Variants in MAST3 observed in about 807,000 individuals in gnomAD.
The protein encoded by MAST3 is microtubule associated serine/threonine kinase 3, also known as microtubule-associated serine/threonine-protein kinase 3.
MAST3 carries 43 observed loss-of-function variants against 127.0 expected under a neutral mutation model. That is an observed-to-expected ratio of 0.34 (90% CI 0.27 to 0.44). The LOEUF is 0.44. MAST3 is among the 20% of genes least tolerant of loss of function. The pLI is 1.00. For synonymous variants in MAST3, 785 were observed against 809.2 expected, an observed-to-expected ratio of 0.97 and a Z score of 0.51; for missense variants, 1,390 against 1,919.1, an observed-to-expected ratio of 0.72 and a Z score of 5.15.
intron 17 of MAST3, among the ~76,000 whole-genome samples, chr19:18,135,451 C>T (rs1473274202): frequency 6.6e-6 from 1 of 151,916 alleles, no homozygotes; most frequent in Admixed American, 6.6e-5. Context: ...GGTGACAGAG[C>T]GAGACTCCAT....
chr19:18,100,128 C>CTCCTTTTTTTTTTTTTTTTTTTT (rs776661078), intron 1 of MAST3, among the ~76,000 whole-genome samples: 62 of 121,714 alleles, frequency 5.1e-4, no homozygotes, highest in Admixed American at 7.6e-4. Context: ...CTCTCTCTCT[C>CTCCTTTTTTTTTTTTTTTTTTTT]TTTTTTTTTT....
chr19:18,133,673 C>G (rs1467197838), intron 15 of MAST3, among the ~76,000 whole-genome samples: 1 of 151,142 alleles, frequency 6.6e-6, no homozygotes, highest in Non-Finnish European at 1.5e-5. Context: ...CCTGCCTCAG[C>G]CTTCCAATTA....
chr19:18,140,330 G>A (rs1464019976), intron 20 of MAST3, among the ~76,000 whole-genome samples: 133 of 152,160 alleles, frequency 8.7e-4, no homozygotes, highest in African/African-American at 3.2e-3. Context: ...AGTAAGCTGA[G>A]ATCACAGCGC....
Position 18,128,445 on chromosome 19 carries a change from C to A in MAST3, c.1124C>A (p.Pro375His). Reference sequence around the variant, plus strand: ...CTCGAAGAAGAACAGCCCCCAGCACCTGAGTCCCCAGAGGTGAGTAGCAGA... The same window carrying A: ...CTCGAAGAAGAACAGCCCCCAGCACATGAGTCCCCAGAGGTGAGTAGCAGA... ...SHLEEEQPPA[P>H]ESPESRALVG... The change falls in exon 12 of 28, where the codon CCT (proline) becomes CAT (histidine). Residue 375 changes from proline to histidine, a missense_variant. Around this residue, in one of 5 missense-constraint regions of MAST3, gnomAD observed 277 missense variants for 384.8 expected, o/e 0.72. Transcript: ENST00000687212. The A allele has an allele frequency of 6.4e-7, 1 of 1,556,514 alleles. No homozygotes were observed.
chr19:18,108,567 T>C (rs1403185110), intron 2 of MAST3, among the ~76,000 whole-genome samples: 1 of 152,062 alleles, frequency 6.6e-6, no homozygotes, highest in Non-Finnish European at 1.5e-5. Context: ...AGGGTCTCAC[T>C]ATGTTGCCCA....
intron 1 of MAST3, among the ~76,000 whole-genome samples, chr19:18,101,811 C>A (rs1455176057): frequency 2.6e-5 from 4 of 151,430 alleles, no homozygotes; most frequent in Admixed American, 6.6e-5. Flanking sequence ...CCACCACACC[C>A]GACTAATATA....
chr19:18,118,123 C>A (rs2039511872), intron 3 of MAST3: 1 of 985,282 alleles, frequency 1.0e-6, no homozygotes, highest in Non-Finnish European at 1.2e-6. Context: ...CGAGGCCTCC[C>A]TTCCCGGCCT....
At chr19:18,113,163 G>C (rs541985350) in intron 3 of MAST3, among the ~76,000 whole-genome samples, 20 of 152,208 alleles carry the variant, frequency 1.3e-4, no homozygotes, top group East Asian at 9.7e-4. Flanking sequence ...ACTCACCACC[G>C]GGGGGCAGCA....
chr19:18,105,347 T>C (rs1385619806), intron 1 of MAST3, among the ~76,000 whole-genome samples: 1 of 149,406 alleles, frequency 6.7e-6, no homozygotes, highest in Non-Finnish European at 1.5e-5. Context: ...AGCCTGGCGA[T>C]ACAGTGAGAC....
Position 18,123,562 on chromosome 19 carries a change from C to G in MAST3, c.558-18C>G, listed in dbSNP as rs764943447. 3 of 1,541,682 alleles carry G rather than the reference C, an allele frequency of 1.9e-6. No homozygotes were observed. Among genetic ancestry groups the G allele is most frequent in the African/African-American group, 2.7e-5 (2 of 73,122 alleles). ...TGGTCTCAGGTCCCATATCACAAGC[C>G]AGCTGTCTTCCTTTCAGCCCGGGCC... On this transcript the variant is annotated intron_variant, in intron 7 of 27. Coordinates refer to ENST00000687212, the MANE Select transcript of MAST3 (RefSeq NM_001393504.1).
chr19:18,118,495 AGGAGT>A (rs759334700), intron 3 of MAST3, among the ~76,000 whole-genome samples: 1 of 152,164 alleles, frequency 6.6e-6, no homozygotes, highest in Non-Finnish European at 1.5e-5. Flanking sequence ...GGTGACAGAC[AGGAGT>A]GAGTTGAGAT....
chr19:18,118,398 G>T (rs56252442), intron 3 of MAST3: 67,495 of 307,656 alleles, frequency 0.22, 7,860 homozygotes, highest in Non-Finnish European at 0.23. Context: ...CCTGTGGATC[G>T]AGGTGTCCCC....
chr19:18,128,251 T>G, intron 11 of MAST3, 149 bp from the exon 12 acceptor site: 2 of 589,578 alleles, frequency 3.4e-6, no homozygotes, highest in Non-Finnish European at 3.0e-6. Context: ...GCCTCCCGGA[T>G]GTGGCTTCAT....
At chr19:18,128,073 C>T (rs918261984) in intron 11 of MAST3, among the ~76,000 whole-genome samples, 5 of 152,168 alleles carry the variant, frequency 3.3e-5, no homozygotes, top group Admixed American at 2.0e-4. Context: ...ACCTGGGCTG[C>T]ACCCTGAGCT....
Position 18,149,045 on chromosome 19 carries a change from C to G in MAST3, c.3509-146C>G. 3.7e-6 allele frequency: 3 copies of G among 804,062 alleles called. No individual in the cohort carries two copies. The highest frequency in any genetic ancestry group is 2.3e-5 in the South Asian group (1 of 43,826). The allele number at this position is 804,062 out of a possible 1,614,324, so 49.8% of individuals were successfully genotyped here. ...TACAGTCTGGGCAACAGAGCAAGAC[C>G]CTGTCTCAAAAACAAAAACAACCAG... On this transcript the variant is annotated intron_variant, in intron 27 of 27. Coordinates refer to ENST00000687212, the MANE Select transcript of MAST3 (RefSeq NM_001393504.1). This position sits in a 1 kb window ranked among gnomAD's most constrained non-coding sequence, Gnocchi z 5.9.
intron 3 of MAST3, among the ~76,000 whole-genome samples, chr19:18,115,468 A>G (rs1247302366): frequency 6.6e-6 from 1 of 151,984 alleles, no homozygotes; most frequent in Non-Finnish European, 1.5e-5. Flanking sequence ...GCACGTAGTG[A>G]CAGCAAGTGG....
chr19:18,130,454 T>C, intron 13 of MAST3, 40 bp from the exon 14 acceptor site: 1 of 1,541,102 alleles, frequency 6.5e-7, no homozygotes, highest in Non-Finnish European at 8.8e-7. Context: ...TGCTGGGGCC[T>C]CGATCTCCGG....
At position 18,149,568 on chromosome 19, in the gene MAST3, G is replaced by A. The variant is rs1247190697; in HGVS notation, c.3886G>A (p.Glu1296Lys). ...LVVMRRLHLS[E>K]RRDSFKKQEA... The stretch of plus-strand genomic sequence containing the variant: ...GGTCATGCGGCGGCTGCACCTGTCC[G>A]AGCGCCGAGACTCCTTCAAGAAGCA... The change falls in exon 28 of 28, where the codon GAG becomes AAG. Residue 1296 changes from glutamate (E) to lysine (K), a missense_variant. Physicochemically the swap from Glu to Lys is moderately conservative, Grantham distance 56. Around this residue, in one of 5 missense-constraint regions of MAST3, gnomAD observed 816 missense variants for 934.1 expected, o/e 0.87. Transcript: ENST00000687212. The surrounding 1 kb of genome is among the most constrained non-coding windows in gnomAD (Gnocchi z 5.9). The A allele has an allele frequency of 1.9e-6, 3 of 1,594,490 alleles. No individual in the cohort carries two copies. Among genetic ancestry groups the A allele is most frequent in the Admixed American group, 1.8e-5 (1 of 56,290 alleles).
chr19:18,149,653 C>T lies in MAST3; in HGVS notation c.3971C>T (p.Thr1324Ile), dbSNP rs201564382. ...CAGGAGGAGGCCACTGGGCTGCCCA[C>T]CTCAGTGCCACAGATCGCCGTGGAG... ...EPQEEATGLP[T>I]SVPQIAVEGE... Residue 1324 changes from threonine (T) to isoleucine (I), a missense_variant, in exon 28 of 28, where the codon ACC becomes ATC. By Grantham distance (89) the Thr-to-Ile change is moderately conservative. Around this residue, in one of 5 missense-constraint regions of MAST3, gnomAD observed 816 missense variants for 934.1 expected, o/e 0.87. Coordinates refer to ENST00000687212, the MANE Select transcript of MAST3 (RefSeq NM_001393504.1). This position sits in a 1 kb window ranked among gnomAD's most constrained non-coding sequence, Gnocchi z 5.9. 36 of 1,613,252 alleles carry T rather than the reference C, an allele frequency of 2.2e-5. No homozygotes were observed. In the Middle Eastern group the frequency reaches 2.1e-3, roughly 96 times the overall value.
Sources: allele counts gnomAD v4.1 joint callset (sites outside exome capture counted in the v4.1 genomes callset), GRCh38; gene constraint gnomAD v4.1.1; regional missense constraint gnomAD v4.1.1; non-coding constraint Gnocchi (gnomAD v3.1); transcripts MANE v1.5; gene names NCBI Gene and HGNC (gene_info 2026-07-23, HGNC 2026-07-21).